KHDC1: variants seen among roughly 807,000 people sequenced by gnomAD.
KHDC1 encodes the protein KH domain containing 1.
In KHDC1, 21 loss-of-function variants were observed where a neutral mutation model predicts 24.7. The observed-to-expected ratio is 0.85, with a 90% CI of 0.60 to 1.23. The LOEUF (loss-of-function observed/expected upper bound fraction) is 1.23, where lower values mean the gene tolerates loss of function less well. KHDC1 is among the 50% of genes most tolerant of loss of function. KHDC1 has a pLI of 0.00. For synonymous variants in KHDC1, 98 were observed against 111.7 expected (o/e 0.88, Z 0.77); for missense variants, 274 against 298.5 (o/e 0.92, Z 0.61).
intron 2 of KHDC1, among the ~76,000 whole-genome samples, chr6:73,283,845 G>A (rs549598261): frequency 1.3e-5 from 2 of 151,726 alleles, no homozygotes; most frequent in Admixed American, 1.3e-4. Context: ...CACAGTGCTG[G>A]GATTACAGGA....
intron 2 of KHDC1, among the ~76,000 whole-genome samples, chr6:73,280,780 A>G (rs1344171616): frequency 6.6e-6 from 1 of 151,604 alleles, no homozygotes; most frequent in East Asian, 2.0e-4. Context: ...TTGGCCTCCC[A>G]AAGTGCTGGG....
At chr6:73,309,303 A>G (rs1768035436) in intron 1 of KHDC1, among the ~76,000 whole-genome samples, 1 of 152,078 alleles carries the variant, frequency 6.6e-6, no homozygotes, top group South Asian at 2.1e-4. Context: ...ACAGTGCACA[A>G]ATGTCCTAGA....
At chr6:73,252,772 G>A (rs1404254519) in intron 2 of KHDC1, among the ~76,000 whole-genome samples, 3 of 151,600 alleles carry the variant, frequency 2.0e-5, no homozygotes, top group African/African-American at 4.9e-5. Flanking sequence ...AGCTGAGATC[G>A]TGCCACTGAA....
chr6:73,262,786 T>C (rs1323931194), intron 2 of KHDC1: 2 of 985,380 alleles, frequency 2.0e-6, no homozygotes, highest in Admixed American at 1.2e-4. Flanking sequence ...GATAGGATGC[T>C]CTCTTGCAGA....
rs571450073 is a variant in KHDC1, at chr6:73,284,954, C to T, written c.206+7044G>A. ...CTGCCTCCTGGGTTCAAGCGATTCTCCTGCCTCAGCCTCCCAAGTAGCTAG... is the reference window on the plus strand; with the variant it reads ...CTGCCTCCTGGGTTCAAGCGATTCTTCTGCCTCAGCCTCCCAAGTAGCTAG... On this transcript the variant is annotated intron_variant, in intron 2 of 4. Coordinates refer to ENST00000370384, the Ensembl canonical transcript of KHDC1. Among the ~76,000 whole-genome samples, 55 of 152,114 alleles carry T rather than the reference C, an allele frequency of 3.6e-4. No individual in the cohort carries two copies. In the South Asian group the frequency reaches 1.0e-2, roughly 28 times the overall value.
At chr6:73,287,695 C>T (rs1444727087) in intron 2 of KHDC1, among the ~76,000 whole-genome samples, 1 of 152,174 alleles carries the variant, frequency 6.6e-6, no homozygotes, top group Admixed American at 6.5e-5. Flanking sequence ...AATAGCCAAA[C>T]ATCATAGACT....
At chr6:73,247,619 G>T (rs1766691338) in intron 2 of KHDC1, among the ~76,000 whole-genome samples, 1 of 152,084 alleles carries the variant, frequency 6.6e-6, no homozygotes, top group South Asian at 2.1e-4. Flanking sequence ...ACTTTGGGAG[G>T]CTGAGGCAGG....
chr6:73,289,957 G>T (rs186054854), intron 2 of KHDC1, among the ~76,000 whole-genome samples: 4 of 136,186 alleles, frequency 2.9e-5, no homozygotes, highest in Non-Finnish European at 6.3e-5. Flanking sequence ...CAAATTAGCC[G>T]GGCGCGGTGG....
chr6:73,264,385 A>C (rs1291832254), intron 2 of KHDC1, among the ~76,000 whole-genome samples: 1 of 152,154 alleles, frequency 6.6e-6, no homozygotes, highest in Non-Finnish European at 1.5e-5. Flanking sequence ...TTTCATCCTA[A>C]AGCTTCTGGC....
chr6:73,292,871 A>C, intron 1 of KHDC1: 1 of 741,834 alleles, frequency 1.3e-6, no homozygotes, highest in Non-Finnish European at 2.4e-6. Context: ...TGGGGCTAAG[A>C]AAAAGCTGAG....
chr6:73,292,443 C>G (rs1767673120), intron 1 of KHDC1: 1 of 774,444 alleles, frequency 1.3e-6, no homozygotes, highest in African/African-American at 1.7e-5. Context: ...GTTCCAGCAA[C>G]AGACAGAAAT....
intron 2 of KHDC1, among the ~76,000 whole-genome samples, chr6:73,242,986 C>G (rs1226777516): frequency 6.6e-6 from 1 of 152,036 alleles, no homozygotes; most frequent in African/African-American, 2.4e-5. Context: ...GAGCAAACAA[C>G]ACGGGAAAAT....
At chr6:73,242,668 C>T (rs1032511566) in intron 2 of KHDC1, 138 bp from the exon 2 acceptor site, 19 of 931,620 alleles carry the variant, frequency 2.0e-5, no homozygotes, top group African/African-American at 5.0e-5. Flanking sequence ...TGTACAATCC[C>T]GGTATCTCTT....
chr6:73,263,614 G>A (rs957046623), intron 2 of KHDC1, among the ~76,000 whole-genome samples: 3 of 27,432 alleles, frequency 1.1e-4, no homozygotes, highest in Non-Finnish European at 8.8e-4. Context: ...GTCGCGGTGG[G>A]GGGGGGGGTG....
In KHDC1 at chr6:73,242,486, T is replaced by C. The variant is rs201416149; in HGVS notation, c.251A>G (p.Lys84Arg). 1,288 of 1,614,180 alleles carry C rather than the reference T, an allele frequency of 8.0e-4. 3 individuals are homozygous for C. The highest frequency in any genetic ancestry group is 1.0e-3 in the Non-Finnish European group (1,235 of 1,180,032). Residue 84 changes from lysine to arginine, a missense_variant, in exon 3 of 5, where the codon AAG (lysine) becomes AGG (arginine). Lys to Arg is a conservative substitution (Grantham distance 26, BLOSUM62 2). Coordinates refer to ENST00000370384, the Ensembl canonical transcript of KHDC1. ...GTTTTGAGGCAGGGTCCACCACGGCTTCTTGCTGAGAGCACTCGTTCCCAT... is the reference window on the plus strand; with the variant it reads ...GTTTTGAGGCAGGGTCCACCACGGCCTCTTGCTGAGAGCACTCGTTCCCAT...
intron 1 of KHDC1, among the ~76,000 whole-genome samples, chr6:73,293,868 T>C (rs1398586523): frequency 1.3e-5 from 2 of 151,942 alleles, no homozygotes; most frequent in Non-Finnish European, 2.9e-5. Context: ...TAGCCGGGCA[T>C]GATGGTGCGC....
intron 2 of KHDC1, among the ~76,000 whole-genome samples, chr6:73,248,600 A>G (rs969670788): frequency 2.6e-5 from 4 of 152,238 alleles, no homozygotes; most frequent in Non-Finnish European, 5.9e-5. Context: ...GAATGCAATT[A>G]AACAGAAAAG....
intron 2 of KHDC1, chr6:73,268,935 C>T (rs56846430): frequency 0.044 from 6,765 of 154,628 alleles, 362 homozygotes; most frequent in African/African-American, 0.12. Context: ...TGGTGCTCGT[C>T]GGGGAGCTCA....
At chr6:73,277,766 C>T (rs2150650011) in intron 2 of KHDC1, among the ~76,000 whole-genome samples, 1 of 150,582 alleles carries the variant, frequency 6.6e-6, no homozygotes, top group African/African-American at 2.4e-5. Context: ...GTAGGTGGGA[C>T]AGAGGCAAGA....
Sources: allele counts gnomAD v4.1 joint callset (sites outside exome capture counted in the v4.1 genomes callset), GRCh38; gene constraint gnomAD v4.1.1; transcripts MANE v1.5; gene names NCBI Gene and HGNC (gene_info 2026-07-23, HGNC 2026-07-21).